Variants in RABGAP1 observed in about 807,000 individuals in gnomAD.
RABGAP1 encodes the protein RAB GTPase activating protein 1.
In RABGAP1, 23 loss-of-function variants were observed where a neutral mutation model predicts 137.6. The ratio of observed to expected loss-of-function variants is 0.17; its 90% CI spans 0.12 to 0.24. The LOEUF is 0.24. Among genes scored for constraint, RABGAP1 ranks in the 10% least tolerant of loss-of-function variants. The pLI, the probability that RABGAP1 is intolerant of heterozygous loss-of-function variation, is 1.00. For synonymous variants in RABGAP1, 451 were observed against 450.7 expected (o/e 1.00, Z -0.01); for missense variants, 906 against 1,275.8 (o/e 0.71, Z 4.42).
intron 1 of RABGAP1, among the ~76,000 whole-genome samples, chr9:122,943,723 GC>G (rs1422515429): frequency 3.3e-5 from 5 of 152,166 alleles, no homozygotes; most frequent in Non-Finnish European, 7.3e-5. Context: ...GGAGGCCAAG[GC>G]AGGCGGATAA....
At chr9:122,937,678 C>CT (rs1475718645), upstream of RABGAP1, 1 of 151,980 alleles carries the variant, frequency 6.6e-6, no homozygotes, top group Non-Finnish European at 1.5e-5. Context: ...TAAAATTAGA[C>CT]TATCATTAAA....
At chr9:122,976,101 A>G (rs1010283113) in intron 2 of RABGAP1, among the ~76,000 whole-genome samples, 3 of 152,186 alleles carry the variant, frequency 2.0e-5, no homozygotes, top group Admixed American at 2.0e-4. Flanking sequence ...CCACCCTGCT[A>G]TGTAAGCAGA....
intron 13 of RABGAP1, among the ~76,000 whole-genome samples, chr9:123,055,110 C>T (rs1422089485): frequency 1.3e-5 from 2 of 152,180 alleles, no homozygotes; most frequent in Non-Finnish European, 2.9e-5. Flanking sequence ...TGGGATTCTT[C>T]TGCATGGAGG....
At chr9:123,054,356 G>A (rs2033609727) in intron 13 of RABGAP1, among the ~76,000 whole-genome samples, 1 of 152,200 alleles carries the variant, frequency 6.6e-6, no homozygotes, top group South Asian at 2.1e-4. Flanking sequence ...TCTGGTGTGT[G>A]AAGTTGGGTG....
chr9:122,984,490 A>G lies in RABGAP1; in HGVS notation c.156A>G (p.Val52=). 6.2e-7 allele frequency: 1 copy of G among 1,613,302 alleles called. No individual in the cohort carries two copies. ...CATGTATTTGTGACCCTTAGATTGT[A>G]GGGAATGGAAGTGAACAGCAGCTGC... is the stretch of plus-strand genomic sequence containing the variant. ...SDDEKTGLKI[V]GNGSEQQLQK... is the part of the protein sequence containing the mutation. The change falls in exon 3 of 26, where the codon GTA becomes GTG. Residue 52 remains valine (V), a synonymous_variant. Coordinates refer to ENST00000373647, the MANE Select transcript of RABGAP1 (RefSeq NM_012197.4).
chr9:123,078,857 T>C (rs1352764445), intron 19 of RABGAP1, among the ~76,000 whole-genome samples: 1 of 152,172 alleles, frequency 6.6e-6, no homozygotes, highest in African/African-American at 2.4e-5. Flanking sequence ...ACCATCATCA[T>C]CCTTTCCTGT....
At chr9:123,094,659 G>A (rs783201) in intron 21 of RABGAP1, among the ~76,000 whole-genome samples, 149,158 of 152,278 alleles carry the variant, frequency 0.98, 73,129 homozygotes, top group East Asian at 1. Context: ...TGCTGGCCTC[G>A]TAAAATGAAG....
intron 21 of RABGAP1, 50 bp downstream of exon 21, chr9:123,090,435 TTCCCCTCAAGAG>T (rs1364847996): frequency 7.0e-7 from 1 of 1,419,718 alleles, no homozygotes; most frequent in Admixed American, 2.1e-5. Flanking sequence ...CACTTGACTT[TTCCCCTCAAGAG>T]AAATCCTGGA....
At chr9:123,075,747 G>C (rs1303090888) in intron 17 of RABGAP1, among the ~76,000 whole-genome samples, 2 of 152,202 alleles carry the variant, frequency 1.3e-5, no homozygotes, top group Non-Finnish European at 2.9e-5. Flanking sequence ...CTGAGGCCCA[G>C]CAGCTTAAGC....
At chr9:122,944,867 G>A (rs1833853414) in intron 1 of RABGAP1, among the ~76,000 whole-genome samples, 2 of 151,952 alleles carry the variant, frequency 1.3e-5, no homozygotes, top group South Asian at 4.1e-4. Flanking sequence ...GAAAGCCACC[G>A]CGCCCGGCCT....
chr9:122,999,263 A>C (rs1023089734), intron 10 of RABGAP1, among the ~76,000 whole-genome samples: 1 of 152,012 alleles, frequency 6.6e-6, no homozygotes, highest in Non-Finnish European at 1.5e-5. Flanking sequence ...GGCTCACTGC[A>C]ACCTCCGCCT....
chr9:123,102,187 G>C (rs956335904), intron 25 of RABGAP1, among the ~76,000 whole-genome samples: 1 of 152,286 alleles, frequency 6.6e-6, no homozygotes, highest in South Asian at 2.1e-4. Context: ...GCAGAATGTC[G>C]GGGGCTTTAT....
intron 9 of RABGAP1, 59 bp downstream of exon 9, chr9:122,997,420 C>A: frequency 8.1e-7 from 1 of 1,227,194 alleles, no homozygotes; most frequent in African/African-American, 1.5e-5. Context: ...AGATGCAAAA[C>A]TAAGGACCCC....
At chr9:122,955,472 T>C (rs759450506) in intron 1 of RABGAP1, among the ~76,000 whole-genome samples, 53 of 152,240 alleles carry the variant, frequency 3.5e-4, no homozygotes, top group Non-Finnish European at 1.2e-4. Context: ...TTTGGTCTTA[T>C]GAAATGCAGA....
In RABGAP1 at chr9:122,945,147, C is replaced by CTTT. The variant is rs202090815; in HGVS notation, c.-50+4068_-50+4070dup. Reference sequence around the variant, plus strand: ...CACCATGTATACATCATAGCTGTTGCTTTTTTTTTTTTTTTTAGCATAAAC... The same window carrying CTTT: ...CACCATGTATACATCATAGCTGTTGCTTTTTTTTTTTTTTTTTTTAGCATAAAC... On this transcript the variant is annotated intron_variant, in intron 1 of 25. Coordinates refer to ENST00000373647, the MANE Select transcript of RABGAP1 (RefSeq NM_012197.4). Among the ~76,000 whole-genome samples the CTTT allele has an allele frequency of 4.2e-4, 32 of 75,824 alleles. 6 individuals are homozygous for CTTT. Among genetic ancestry groups the CTTT allele is most frequent in the East Asian group, 1.1e-3 (4 of 3,730 alleles). 49.7% of individuals were successfully genotyped at this position (75,824 alleles called of 152,430 possible).
intron 19 of RABGAP1, among the ~76,000 whole-genome samples, chr9:123,078,551 G>A (rs866429726): frequency 6.6e-6 from 1 of 152,196 alleles, no homozygotes; most frequent in Admixed American, 6.5e-5. Flanking sequence ...AAGAAAATAG[G>A]TTTGCACAAA....
intron 13 of RABGAP1, among the ~76,000 whole-genome samples, chr9:123,022,651 C>T (rs1017293042): frequency 8.6e-5 from 13 of 151,982 alleles, no homozygotes; most frequent in Admixed American, 4.6e-4. Context: ...ATGATCCGCC[C>T]GCCTCGACCT....
intron 2 of RABGAP1, among the ~76,000 whole-genome samples, chr9:122,980,958 T>C (rs1008497256): frequency 1.3e-5 from 2 of 152,194 alleles, no homozygotes; most frequent in Non-Finnish European, 2.9e-5. Context: ...CATCGTAGTT[T>C]GCGATTTAGA....
intron 6 of RABGAP1, among the ~76,000 whole-genome samples, chr9:122,991,211 G>C (rs905878988): frequency 6.6e-6 from 1 of 151,882 alleles, no homozygotes; most frequent in Non-Finnish European, 1.5e-5. Flanking sequence ...AAATGAGGTG[G>C]CTAGACTCTA....
Sources: gnomAD v4.1 joint callset for allele counts (sites outside exome capture counted in the v4.1 genomes callset) on GRCh38, gnomAD v4.1.1 for gene constraint, MANE v1.5 for transcripts, NCBI Gene and HGNC (gene_info 2026-07-23, HGNC 2026-07-21) for gene names.